Variants in ITGB5 observed in about 807,000 individuals in gnomAD.
ITGB5 encodes the protein integrin subunit beta 5.
In ITGB5, 38 loss-of-function variants were observed where a neutral mutation model predicts 84.8. That is an observed-to-expected ratio of 0.45 (90% CI 0.35 to 0.59). ITGB5 has a LOEUF of 0.59. Ranked by LOEUF, ITGB5 falls within the 20% of genes least tolerant of loss-of-function variation. ITGB5 has a pLI of 0.01. For synonymous variants in ITGB5, 393 were observed against 414.4 expected (o/e 0.95, Z 0.63); for missense variants, 905 against 1,034.5 (o/e 0.87, Z 1.72).
At chr3:124,767,432 T>C (rs3772819) in intron 12 of ITGB5, among the ~76,000 whole-genome samples, 8,314 of 152,240 alleles carry the variant, frequency 0.055, 485 homozygotes, top group African/African-American at 0.14. Context: ...AATGATGGAT[T>C]GGAACATAAG....
At chr3:124,867,831 C>G (rs2065415388) in intron 2 of ITGB5, among the ~76,000 whole-genome samples, 1 of 152,176 alleles carries the variant, frequency 6.6e-6, no homozygotes, top group South Asian at 2.1e-4. Context: ...AAATGATGGA[C>G]AAAATAGATC....
At chr3:124,822,711 A>G (rs1024855184) in intron 5 of ITGB5, among the ~76,000 whole-genome samples, 1 of 152,220 alleles carries the variant, frequency 6.6e-6, no homozygotes, top group Non-Finnish European at 1.5e-5. Flanking sequence ...TAGACACTCA[A>G]TATTCATCCA....
intron 5 of ITGB5, among the ~76,000 whole-genome samples, chr3:124,837,305 T>TA (rs1253365694): frequency 6.6e-6 from 1 of 152,166 alleles, no homozygotes; most frequent in Non-Finnish European, 1.5e-5. Context: ...ACAAACAACT[T>TA]AGAGTCAACT....
chr3:124,816,261 G>A (rs1306809852), intron 8 of ITGB5, among the ~76,000 whole-genome samples: 1 of 152,208 alleles, frequency 6.6e-6, no homozygotes, highest in East Asian at 1.9e-4. Flanking sequence ...GCAGTACTTT[G>A]CAACTCAAAA....
intron 1 of ITGB5, among the ~76,000 whole-genome samples, chr3:124,884,066 C>T (rs185894706): frequency 1.3e-5 from 2 of 152,150 alleles, no homozygotes; most frequent in African/African-American, 4.8e-5. Flanking sequence ...AACACCCAGG[C>T]AGGCATGGCC....
intron 1 of ITGB5, among the ~76,000 whole-genome samples, chr3:124,875,218 CTG>C (rs1343243290): frequency 2.6e-5 from 4 of 152,140 alleles, no homozygotes; most frequent in African/African-American, 9.7e-5. Context: ...TGGCTCGCAC[CTG>C]TAATACTAGC....
chr3:124,881,812 T>A (rs1278151346), intron 1 of ITGB5, among the ~76,000 whole-genome samples: 1 of 151,570 alleles, frequency 6.6e-6, no homozygotes, highest in East Asian at 1.9e-4. Flanking sequence ...TACTAAAAAT[T>A]AAAAAATAAG....
chr3:124,848,396 A>T lies in ITGB5; in HGVS notation c.524T>A (p.Phe175Tyr). 1 of 1,614,128 alleles carries T rather than the reference A, an allele frequency of 6.2e-7. No homozygotes were observed. The highest frequency in any genetic ancestry group is 8.5e-7 in the Non-Finnish European group (1 of 1,180,024). Residue 175 changes from phenylalanine to tyrosine, a missense_variant, in exon 4 of 15, where the codon TTC becomes TAC. This residue lies in a region of ITGB5 where 656 missense variants were observed against 734.7 expected (regional missense o/e 0.89). Transcript: ENST00000296181. ...AEEMRKLTSNFRLGFGSFVDK... is the reference protein window; with the variant it reads ...AEEMRKLTSNYRLGFGSFVDK... Reference sequence around the variant, plus strand: ...AACAAAAGACCCAAATCCCAACCGGAAGTTGCTGGTGAGCTTCCTCATCTC... The same window carrying T: ...AACAAAAGACCCAAATCCCAACCGGTAGTTGCTGGTGAGCTTCCTCATCTC...
rs146572449 is a variant in ITGB5, at chr3:124,869,439, G to A, written c.156+4007C>T. ...AAAAATACAAAAATTAGCCAGGTAT[G>A]GTGGCACGCGCCTGTAATCCCAGCT... On this transcript the variant is annotated intron_variant, in intron 2 of 14. Coordinates refer to ENST00000296181, the MANE Select transcript of ITGB5 (RefSeq NM_002213.5). 5.3e-3 allele frequency among the ~76,000 whole-genome samples: 802 copies of A among 152,270 alleles called. 2 individuals carry two copies. The highest frequency in any genetic ancestry group is 0.019 in the African/African-American group (782 of 41,548).
chr3:124,812,085 G>A (rs1207964084), intron 8 of ITGB5, among the ~76,000 whole-genome samples: 1 of 152,230 alleles, frequency 6.6e-6, no homozygotes, highest in Non-Finnish European at 1.5e-5. Flanking sequence ...GAGTGCTGGA[G>A]GGCAGGACTG....
At chr3:124,804,420 G>T (rs2107529338) in intron 9 of ITGB5, among the ~76,000 whole-genome samples, 1 of 152,168 alleles carries the variant, frequency 6.6e-6, no homozygotes, top group Non-Finnish European at 1.5e-5. Flanking sequence ...TGGTGGTGCA[G>T]GTCTGTGGTC....
intron 9 of ITGB5, among the ~76,000 whole-genome samples, chr3:124,799,112 TGTGGG>T (rs1478824251): frequency 6.6e-6 from 1 of 151,946 alleles, no homozygotes; most frequent in African/African-American, 2.4e-5. Context: ...CTTCCATCTC[TGTGGG>T]GTAGGAAGAG....
At chr3:124,772,812 T>C (rs1980078) in intron 11 of ITGB5, among the ~76,000 whole-genome samples, 41,310 of 151,966 alleles carry the variant, frequency 0.27, 6,300 homozygotes, top group African/African-American at 0.38. Context: ...ACAGAGCCCG[T>C]GTTCTATTAT....
At chr3:124,874,793 G>A (rs1194197611) in intron 1 of ITGB5, among the ~76,000 whole-genome samples, 1 of 152,160 alleles carries the variant, frequency 6.6e-6, no homozygotes, top group Non-Finnish European at 1.5e-5. Flanking sequence ...AGGACAACCA[G>A]ATATCCATAT....
intron 2 of ITGB5, among the ~76,000 whole-genome samples, chr3:124,866,717 C>G (rs2065396776): frequency 6.6e-6 from 1 of 152,152 alleles, no homozygotes; most frequent in Non-Finnish European, 1.5e-5. Flanking sequence ...CAGGGCCTGG[C>G]CCCCTGACCA....
At chr3:124,766,143 A>G in intron 13 of ITGB5, 83 bp downstream of exon 13, 3 of 1,385,694 alleles carry the variant, frequency 2.2e-6, no homozygotes, top group South Asian at 2.6e-5. Flanking sequence ...CAGAAAGGGC[A>G]GTGGTCCCAG....
chr3:124,827,136 A>G (rs900141070), intron 5 of ITGB5, among the ~76,000 whole-genome samples: 5 of 152,210 alleles, frequency 3.3e-5, no homozygotes, highest in African/African-American at 1.2e-4. Flanking sequence ...AAAACAATGA[A>G]CTACAAATGG....
At chr3:124,871,208 T>A (rs1934028665) in intron 2 of ITGB5, among the ~76,000 whole-genome samples, 1 of 151,844 alleles carries the variant, frequency 6.6e-6, no homozygotes, top group Admixed American at 6.6e-5. Context: ...TGATTCTTTT[T>A]TTTTGAGACA....
chr3:124,811,480 A>G (rs1301800262), intron 8 of ITGB5, among the ~76,000 whole-genome samples: 2 of 152,218 alleles, frequency 1.3e-5, no homozygotes, highest in Non-Finnish European at 2.9e-5. Flanking sequence ...CTTGGGAACG[A>G]TAACTTGAAA....
Sources: allele counts gnomAD v4.1 joint callset (sites outside exome capture counted in the v4.1 genomes callset), GRCh38; gene constraint gnomAD v4.1.1; regional missense constraint gnomAD v4.1.1; transcripts MANE v1.5; gene names NCBI Gene and HGNC (gene_info 2026-07-23, HGNC 2026-07-21).